Variants in SOX5 observed in about 807,000 individuals in gnomAD.
SOX5 encodes the protein SRY-box transcription factor 5, also known as transcription factor SOX-5.
In SOX5, 9 loss-of-function variants were observed where a neutral mutation model predicts 92.0. The observed-to-expected ratio is 0.10, with a 90% CI of 0.06 to 0.17. The LOEUF is 0.17. Ranked by LOEUF, SOX5 falls within the 10% of genes least tolerant of loss-of-function variation. The pLI is 1.00. For synonymous variants in SOX5, 344 were observed against 336.3 expected, an observed-to-expected ratio of 1.02 and a Z score of -0.25; for missense variants, 642 against 944.5, an observed-to-expected ratio of 0.68 and a Z score of 4.20.
intron 1 of SOX5, among the ~76,000 whole-genome samples, chr12:24,505,338 C>T (rs1948613239): frequency 6.6e-6 from 1 of 151,882 alleles, no homozygotes; most frequent in African/African-American, 2.4e-5. Context: ...GACATGGGAG[C>T]TTGTTGGAGA....
intron 4 of SOX5, among the ~76,000 whole-genome samples, chr12:24,115,497 AC>A (rs1483602931): frequency 6.6e-6 from 1 of 152,184 alleles, no homozygotes; most frequent in Non-Finnish European, 1.5e-5. Context: ...CAACCAGAAT[AC>A]CGCAATCCAA....
At chr12:24,413,416 T>G (rs529227770) in intron 1 of SOX5, among the ~76,000 whole-genome samples, 5 of 152,242 alleles carry the variant, frequency 3.3e-5, no homozygotes, top group Non-Finnish European at 5.9e-5. Context: ...TTTTTCCATT[T>G]TTTTCTTTCA....
intron 1 of SOX5, among the ~76,000 whole-genome samples, chr12:24,501,076 A>G (rs567889276): frequency 1.3e-5 from 2 of 152,336 alleles, no homozygotes; most frequent in Non-Finnish European, 2.9e-5. Flanking sequence ...ATAAAGTTTC[A>G]TTACAAATTA....
chr12:24,394,617 CAATT>C lies in SOX5; in HGVS notation c.-250-25982_-250-25979del, dbSNP rs752627835. Reference sequence around the variant, plus strand: ...TTACTAAGGCACTTACCAAGTTGTGCAATTAATATTTGTACAAATATCCATATCT... The same window carrying C: ...TTACTAAGGCACTTACCAAGTTGTGCAATATTTGTACAAATATCCATATCT... On this transcript the variant is annotated intron_variant, in intron 1 of 4. Transcript: ENST00000446891. Among the ~76,000 whole-genome samples the C allele has an allele frequency of 9.6e-4, 146 of 152,276 alleles. No individual in the cohort carries two copies. The Middle Eastern group carries it at 0.01, about 11-fold the overall frequency.
chr12:23,597,212 A>G (rs1401910453), intron 9 of SOX5, among the ~76,000 whole-genome samples: 3 of 152,232 alleles, frequency 2.0e-5, no homozygotes, highest in African/African-American at 4.8e-5. Context: ...ATACTGGGAT[A>G]CACAGCCCAG....
intron 4 of SOX5, among the ~76,000 whole-genome samples, chr12:24,051,019 T>C (rs1463435288): frequency 2.0e-5 from 3 of 152,148 alleles, no homozygotes; most frequent in Non-Finnish European, 4.4e-5. Flanking sequence ...CACTAGGTAT[T>C]CTCCATAGCC....
chr12:24,231,631 A>T (rs1314370519), intron 3 of SOX5, among the ~76,000 whole-genome samples: 1 of 152,212 alleles, frequency 6.6e-6, no homozygotes, highest in South Asian at 2.1e-4. Flanking sequence ...AGAGTAAGGG[A>T]TTCCTCACCA....
At chr12:24,433,196 A>G (rs1369752468) in intron 1 of SOX5, among the ~76,000 whole-genome samples, 1 of 152,230 alleles carries the variant, frequency 6.6e-6, no homozygotes, top group African/African-American at 2.4e-5. Flanking sequence ...AAGAGGGCTG[A>G]AAATTGAGGT....
At chr12:24,239,689 A>C (rs932786836) in intron 3 of SOX5, among the ~76,000 whole-genome samples, 1 of 152,218 alleles carries the variant, frequency 6.6e-6, no homozygotes, top group Non-Finnish European at 1.5e-5. Context: ...GGAAATGTCT[A>C]ATCTGCCAGT....
intron 3 of SOX5, among the ~76,000 whole-genome samples, chr12:24,260,029 T>C (rs1417981991): frequency 6.6e-6 from 1 of 152,186 alleles, no homozygotes; most frequent in Non-Finnish European, 1.5e-5. Flanking sequence ...CAAAGAGATG[T>C]AGAAATAAAT....
intron 1 of SOX5, among the ~76,000 whole-genome samples, chr12:24,547,178 A>ATTTTTTTTTTTTTTTTTTTTTTT: frequency 1.0e-5 from 1 of 99,762 alleles, no homozygotes; most frequent in Non-Finnish European, 2.1e-5. Flanking sequence ...GATATCTAAC[A>ATTTTTTTTTTTTTTTTTTTTTTT]TTTTTTTTTT....
At chr12:24,138,899 T>C (rs958823529) in intron 4 of SOX5, among the ~76,000 whole-genome samples, 2 of 152,132 alleles carry the variant, frequency 1.3e-5, no homozygotes, top group East Asian at 1.9e-4. Context: ...GGCAACATAA[T>C]AGATTATACC....
chr12:23,949,561 C>A lies in SOX5; in HGVS notation c.38+3G>T. 1 of 1,613,708 alleles carries A rather than the reference C, an allele frequency of 6.2e-7. No homozygotes were observed. The highest frequency in any genetic ancestry group is 8.5e-7 in the Non-Finnish European group (1 of 1,179,664). ...TATATTAGGGGGAAAAAACTGTACT[C>A]ACCTTTCAAACTCCTGAGGTAAATC... On this transcript the variant is annotated splice_donor_region_variant and intron_variant, in intron 1 of 14. Transcript: ENST00000451604.
intron 3 of SOX5, among the ~76,000 whole-genome samples, chr12:23,805,059 T>A (rs1483681357): frequency 1.3e-5 from 2 of 149,918 alleles, no homozygotes; most frequent in Non-Finnish European, 3.0e-5. Flanking sequence ...TTTGCATGAC[T>A]AGACGTTTTT....
At chr12:24,079,877 C>G (rs1232613016) in intron 4 of SOX5, among the ~76,000 whole-genome samples, 1 of 151,840 alleles carries the variant, frequency 6.6e-6, no homozygotes, top group Non-Finnish European at 1.5e-5. Flanking sequence ...AGTGATTAAA[C>G]AAGTGTAGCA....
intron 3 of SOX5, among the ~76,000 whole-genome samples, chr12:24,245,574 G>A (rs1938527075): frequency 6.6e-6 from 1 of 152,076 alleles, no homozygotes; most frequent in African/African-American, 2.4e-5. Flanking sequence ...CACACTTGGT[G>A]GATTAAAATC....
intron 4 of SOX5, among the ~76,000 whole-genome samples, chr12:24,056,090 A>G (rs2137196409): frequency 6.6e-6 from 1 of 152,334 alleles, no homozygotes; most frequent in East Asian, 1.9e-4. Context: ...AGGAGGGTTA[A>G]ACACTGAATT....
chr12:23,570,933 ATATATATATATATAT>A lies in SOX5; in HGVS notation c.1342+4713_1342+4727del, dbSNP rs1565915106. 1.0e-2 allele frequency among the ~76,000 whole-genome samples: 82 copies of A among 8,222 alleles called. 10 individuals carry two copies. Among genetic ancestry groups the A allele is most frequent in the Middle Eastern group, 0.083 (1 of 12 alleles). The allele number at this position is 8,222 out of a possible 152,430, so 5.4% of individuals were successfully genotyped here. On this transcript the variant is annotated intron_variant, in intron 10 of 14. Coordinates refer to ENST00000451604, the MANE Select transcript of SOX5 (RefSeq NM_006940.6). ...CTCAAAAAAAAAAAAAAAAAAAAAT[ATATATATATATATAT>A]ATATATATATATATATATATATATA...
intron 3 of SOX5, among the ~76,000 whole-genome samples, chr12:23,756,266 A>G (rs533593366): frequency 6.6e-6 from 1 of 151,978 alleles, no homozygotes; most frequent in South Asian, 2.1e-4. Flanking sequence ...TTGGTATAAA[A>G]GAAGCCTTAA....
Sources: allele counts gnomAD v4.1 joint callset (sites outside exome capture counted in the v4.1 genomes callset), GRCh38; gene constraint gnomAD v4.1.1; transcripts MANE v1.5; gene names NCBI Gene and HGNC (gene_info 2026-07-23, HGNC 2026-07-21).